Variants in BAZ2A observed in about 807,000 individuals in gnomAD.
BAZ2A encodes bromodomain adjacent to zinc finger domain 2A.
In BAZ2A, 34 loss-of-function variants were observed where a neutral mutation model predicts 199.9. The observed-to-expected ratio is 0.17, with a 90% confidence interval of 0.13 to 0.23. The LOEUF is 0.23. BAZ2A is among the 10% of genes least tolerant of loss of function. The pLI is 1.00. For synonymous variants in BAZ2A, 857 were observed against 883.9 expected (o/e 0.97, Z 0.54); for missense variants, 2,002 against 2,391.1 (o/e 0.84, Z 3.39).
In BAZ2A at chr12:56,596,540, T is replaced by G. The variant is rs971861969; in HGVS notation, c.*2078A>C. ...AAAGCAGGAACCATGGAGATTTCAC[T>G]CCCCCATCCACCTCACAATTTCACT... On this transcript the variant is annotated 3_prime_UTR_variant, in exon 29 of 29. Transcript: ENST00000549884. The G allele has an allele frequency of 2.0e-5, 3 of 150,934 alleles. No homozygotes were observed. Among genetic ancestry groups the G allele is most frequent in the African/African-American group, 4.9e-5 (2 of 40,636 alleles). 9.3% of individuals were successfully genotyped at this position (150,934 alleles called of 1,614,324 possible).
In BAZ2A at chr12:56,615,516, G is replaced by A; in HGVS notation, c.228C>T (p.Ser76=). ...CGCTGGGGTGATGGAGGTGTGAGGTGCTGGAGGAGTGGGGAGCAGAGTTCA... is the reference window on the plus strand; with the variant it reads ...CGCTGGGGTGATGGAGGTGTGAGGTACTGGAGGAGTGGGGAGCAGAGTTCA... ...GILNSAPHSS[S]TSHLHHPSVA... is the part of the protein sequence containing the mutation. Residue 76 remains serine (S), a synonymous_variant, in exon 3 of 29, where the codon AGC becomes AGT. Transcript: ENST00000549884. 3 of 1,613,522 alleles carry A rather than the reference G, an allele frequency of 1.9e-6. No individual in the cohort carries two copies. The South Asian group carries it at 3.3e-5, about 18-fold the overall frequency.
chr12:56,638,263 A>G (rs1951485401), upstream of BAZ2A: 1 of 1,442,676 alleles, frequency 6.9e-7, no homozygotes, highest in Admixed American at 1.8e-5. Flanking sequence ...GCCTACACAG[A>G]AAAATGAAGC....
At chr12:56,636,090 A>G in intron 1 of BAZ2A, 1 of 1,421,310 alleles carries the variant, frequency 7.0e-7, no homozygotes, top group South Asian at 1.3e-5. Context: ...CAGCCCCCAA[A>G]TGAGCAAAGG....
At position 56,610,180 on chromosome 12, in the gene BAZ2A, T is replaced by G; in HGVS notation, c.1815A>C (p.Arg605=). 1 of 1,613,900 alleles carries G rather than the reference T, an allele frequency of 6.2e-7. No individual in the cohort carries two copies. The highest frequency in any genetic ancestry group is 8.5e-7 in the Non-Finnish European group (1 of 1,179,872). The part of the protein sequence containing the change: ...LSRNVVHSVR[R]EHFSFSPRMP... ...TACGGGGACTGAAGCTGAAGTGCTC[T>G]CGGCGGACACTGTGTACCACGTTGC... The change falls in exon 9 of 29, where the codon CGA becomes CGC. Residue 605 remains arginine (R), a synonymous_variant. Coordinates refer to ENST00000549884, the MANE Select transcript of BAZ2A (RefSeq NM_001300905.2).
intron 16 of BAZ2A, 92 bp downstream of exon 16, chr12:56,604,125 T>TA: frequency 7.9e-7 from 1 of 1,270,640 alleles, no homozygotes; most frequent in Non-Finnish European, 1.1e-6. Context: ...GGGAAGGGGC[T>TA]AAAGCATCAC....
Position 56,606,330 on chromosome 12 carries a change from A to G in BAZ2A, c.2194-18T>C, listed in dbSNP as rs1245716347. On this transcript the variant is annotated intron_variant, in intron 11 of 28. Transcript: ENST00000549884. ...TTTCTGGCCTGTAAACCATAAGGGA[A>G]GTCATTTCTCCTCAAACTCTGAAAG... 2 of 1,613,730 alleles carry G rather than the reference A, an allele frequency of 1.2e-6. No homozygotes were observed. The highest frequency in any genetic ancestry group is 3.3e-5 in the Admixed American group (2 of 60,004).
upstream of BAZ2A, among the ~76,000 whole-genome samples, chr12:56,633,081 C>T (rs1951357494): frequency 6.6e-6 from 1 of 152,142 alleles, no homozygotes; most frequent in Non-Finnish European, 1.5e-5. Context: ...GAACCTCCCT[C>T]AAGCCAGGCC....
rs756134993 is a variant in BAZ2A at position 56,604,750 on chromosome 12, T to C, written c.2798A>G (p.Asp933Gly). 6.2e-7 allele frequency: 1 copy of C among 1,613,738 alleles called. No homozygotes were observed. The highest frequency in any genetic ancestry group is 8.5e-7 in the Non-Finnish European group (1 of 1,179,878). ...GCAGCGCAGGATCTCTGACACATTGTCTCTTGTCAGTGGGATCTCAGACAC... is the reference window on the plus strand; with the variant it reads ...GCAGCGCAGGATCTCTGACACATTGCCTCTTGTCAGTGGGATCTCAGACAC... ...EKVSEIPLTRDNVSEILRCFL... is the reference protein window; with the variant it reads ...EKVSEIPLTRGNVSEILRCFL... Residue 933 changes from aspartate to glycine, a missense_variant, in exon 15 of 29, where the codon GAC (aspartate) becomes GGC (glycine). Coordinates refer to ENST00000549884, the MANE Select transcript of BAZ2A (RefSeq NM_001300905.2).
rs1187448382 is a variant in BAZ2A, at chr12:56,611,332, G to T, written c.1670+241C>A. The T allele has an allele frequency of 4.9e-5, 28 of 568,734 alleles. No individual in the cohort carries two copies. The East Asian group carries it at 8.7e-4, about 18-fold the overall frequency. 35.2% of individuals were successfully genotyped at this position (568,734 alleles called of 1,614,324 possible). A position where few individuals can be genotyped will look rare whatever the true frequency, so the allele number is the denominator to read the frequency against. ...AAAGATAATAGCTGGAGCTCCTTGG[G>T]CAAAATTGAGTCACTACAAGATGAA... On this transcript the variant is annotated intron_variant, in intron 7 of 28. Coordinates refer to ENST00000549884, the MANE Select transcript of BAZ2A (RefSeq NM_001300905.2).
In BAZ2A at chr12:56,610,385, G is replaced by A. The variant is rs1245822122; in HGVS notation, c.1779+24C>T. ...GGAGTCCACTGAGCCCAAGAAAGCA[G>A]TCCTTTAAAAAAAGCTACATTACCT... On this transcript the variant is annotated intron_variant, in intron 8 of 28. Transcript: ENST00000549884. The A allele has an allele frequency of 6.2e-6, 10 of 1,609,686 alleles. No individual in the cohort carries two copies. The African/African-American group carries it at 1.3e-4, about 22-fold the overall frequency.
upstream of BAZ2A, among the ~76,000 whole-genome samples, chr12:56,634,173 T>C (rs2137495305): frequency 6.6e-6 from 1 of 152,228 alleles, no homozygotes; most frequent in African/African-American, 2.4e-5. Context: ...TTCCTTTGCA[T>C]CTGAACAGAG....
At chr12:56,600,572 C>CACTTAAGG in intron 23 of BAZ2A, 82 bp from the exon 24 acceptor site, 1 of 1,571,816 alleles carries the variant, frequency 6.4e-7, no homozygotes. Context: ...AAACAAGACC[C>CACTTAAGG]ACTTAAGGTA....
intron 2 of BAZ2A, among the ~76,000 whole-genome samples, chr12:56,616,786 C>G (rs184641543): frequency 1.1e-3 from 161 of 152,210 alleles, no homozygotes; most frequent in African/African-American, 3.6e-3. Flanking sequence ...ACTTGAAACC[C>G]AAGCAAGATT....
intron 1 of BAZ2A, among the ~76,000 whole-genome samples, chr12:56,625,647 ACGGGCGGATCAT>A (rs1951065049): frequency 1.3e-5 from 2 of 151,740 alleles, no homozygotes; most frequent in Admixed American, 1.3e-4. Context: ...GGAGGCCGAG[ACGGGCGGATCAT>A]GAGGTCAGGA....
At position 56,605,178 on chromosome 12, in the gene BAZ2A, C is replaced by G; in HGVS notation, c.2643G>C (p.Gln881His). Residue 881 changes from glutamine to histidine, a missense_variant, in exon 14 of 29, where the codon CAG becomes CAC. Coordinates refer to ENST00000549884, the MANE Select transcript of BAZ2A (RefSeq NM_001300905.2). ...AKDVPSLGVL[Q>H]EGLLCQGDSL... ...TGTCACCTTGACACAGGAGTCCCTC[C>G]TGCAGGACCCCCAGGCTAGGCACAT... 1 of 1,613,742 alleles carries G rather than the reference C, an allele frequency of 6.2e-7. No homozygotes were observed. The highest frequency in any genetic ancestry group is 8.5e-7 in the Non-Finnish European group (1 of 1,179,812).
chr12:56,611,892 G>T lies in BAZ2A; in HGVS notation c.1490C>A (p.Thr497Asn). 1 of 1,608,162 alleles carries T rather than the reference G, an allele frequency of 6.2e-7. No individual in the cohort carries two copies. Among genetic ancestry groups the T allele is most frequent in the Non-Finnish European group, 8.5e-7 (1 of 1,176,378 alleles). Residue 497 changes from threonine to asparagine, a missense_variant, in exon 6 of 29, where the codon ACT (threonine) becomes AAT (asparagine). Transcript: ENST00000549884. The stretch of plus-strand genomic sequence containing the variant: ...TGTTGGAAAGGCAGCTGCTGGGGAA[G>T]TTACGGGAGAGGCTTTTGGGGATGT... ...SVTSPKASPV[T>N]SPAAAFPTAS...
Position 56,611,638 on chromosome 12 carries a change from G to A in BAZ2A, c.1610-5C>T. 6.3e-7 allele frequency: 1 copy of A among 1,598,206 alleles called. No homozygotes were observed. The highest frequency in any genetic ancestry group is 1.1e-5 in the South Asian group (1 of 88,002). On this transcript the variant is annotated splice_polypyrimidine_tract_variant and splice_region_variant and intron_variant, in intron 6 of 28. Coordinates refer to ENST00000549884, the MANE Select transcript of BAZ2A (RefSeq NM_001300905.2). ...TACGTCTCCTCATGACATCACCTTG[G>A]GAGGAAGGGATACCCAAGTTAAGAG...
chr12:56,632,789 A>T (rs1288536751), upstream of BAZ2A, among the ~76,000 whole-genome samples: 1 of 152,116 alleles, frequency 6.6e-6, no homozygotes, highest in Non-Finnish European at 1.5e-5. Flanking sequence ...CCTTGCTCTG[A>T]GGAAGGATGA....
chr12:56,606,965 G>C (rs1208369561), intron 10 of BAZ2A, among the ~76,000 whole-genome samples: 3 of 151,970 alleles, frequency 2.0e-5, no homozygotes, highest in African/African-American at 7.3e-5. Flanking sequence ...CTGCCCAGAA[G>C]CACCAGCCCC....
Sources: gnomAD v4.1 joint callset for allele counts (sites outside exome capture counted in the v4.1 genomes callset) on GRCh38, gnomAD v4.1.1 for gene constraint, MANE v1.5 for transcripts, NCBI Gene and HGNC (gene_info 2026-07-23, HGNC 2026-07-21) for gene names.